The following GLIS3 variants were observed in gnomAD, a reference collection of about 807,000 sequenced individuals.
GLIS3 encodes the protein GLIS family zinc finger 3, also known as zinc finger protein GLIS3.
Under a neutral mutation model 78.6 loss-of-function variants are expected in GLIS3, and 53 were observed. The ratio of observed to expected loss-of-function variants is 0.67; its 90% CI spans 0.54 to 0.85. The LOEUF is 0.85. Ranked by LOEUF, GLIS3 falls within the 40% of genes least tolerant of loss-of-function variation. The probability of loss-of-function intolerance (pLI) is 0.00; values close to 1 mark genes in which losing one functional copy is unlikely to be tolerated. For synonymous variants in GLIS3, 684 were observed against 509.9 expected, an observed-to-expected ratio of 1.34 and a Z score of -4.60; for missense variants, 1,703 against 1,231.1, an observed-to-expected ratio of 1.38 and a Z score of -5.74.
intron 7 of GLIS3, among the ~76,000 whole-genome samples, chr9:3,889,862 G>C (rs974755779): frequency 1.3e-5 from 2 of 152,188 alleles, no homozygotes; most frequent in African/African-American, 4.8e-5. Flanking sequence ...GCCAGATTTG[G>C]CCTATGGGCC....
At chr9:4,345,066 A>G (rs887213590) in intron 2 of GLIS3, among the ~76,000 whole-genome samples, 3 of 152,190 alleles carry the variant, frequency 2.0e-5, no homozygotes, top group African/African-American at 7.2e-5. Flanking sequence ...TGATTCCTTT[A>G]AACTTAAATC....
intron 4 of GLIS3, among the ~76,000 whole-genome samples, chr9:4,112,884 G>A (rs987635032): frequency 2.0e-5 from 3 of 151,512 alleles, no homozygotes; most frequent in Non-Finnish European, 4.4e-5. Context: ...TCTCTCTCTG[G>A]AAAAAAAGAG....
intron 4 of GLIS3, among the ~76,000 whole-genome samples, chr9:3,953,258 G>A (rs1816821146): frequency 6.6e-6 from 1 of 152,158 alleles, no homozygotes; most frequent in Admixed American, 6.5e-5. Context: ...AGAATCTTTT[G>A]AGAATATTTG....
chr9:4,293,330 T>C (rs927831258), intron 1 of GLIS3, among the ~76,000 whole-genome samples: 1 of 152,190 alleles, frequency 6.6e-6, no homozygotes, highest in African/African-American at 2.4e-5. Flanking sequence ...CTGAGTGATA[T>C]TTTTCCTTCA....
chr9:4,113,061 T>G (rs1249527963), intron 4 of GLIS3, among the ~76,000 whole-genome samples: 2 of 152,078 alleles, frequency 1.3e-5, no homozygotes, highest in African/African-American at 4.8e-5. Flanking sequence ...ATTGCCCGGT[T>G]TGTGTTTAAA....
At chr9:4,470,671 G>A in the GLIS3 span, among the ~76,000 whole-genome samples, 1 of 151,892 alleles carries the variant, frequency 6.6e-6, no homozygotes, top group Non-Finnish European at 1.5e-5. Context: ...AAAACTGGAA[G>A]CATTCCCTTT....
At chr9:4,375,442 A>C in the GLIS3 span, among the ~76,000 whole-genome samples, 1 of 152,210 alleles carries the variant, frequency 6.6e-6, no homozygotes, top group Non-Finnish European at 1.5e-5. Flanking sequence ...CTGTTTTATA[A>C]TATAAATGTA....
intron 4 of GLIS3, chr9:4,054,191 A>C (rs1360295471): frequency 3.1e-6 from 1 of 318,972 alleles, no homozygotes; most frequent in Non-Finnish European, 4.5e-6. Context: ...GTGGCACAGC[A>C]GGAAGCCTGT....
intron 4 of GLIS3, among the ~76,000 whole-genome samples, chr9:4,111,728 G>T (rs1024416769): frequency 6.6e-6 from 1 of 152,184 alleles, no homozygotes; most frequent in African/African-American, 2.4e-5. Context: ...CGCTGGGAAA[G>T]AAATCTTAAG....
At chr9:4,055,613 A>T (rs1304149580) in intron 4 of GLIS3, among the ~76,000 whole-genome samples, 1 of 152,202 alleles carries the variant, frequency 6.6e-6, no homozygotes, top group Non-Finnish European at 1.5e-5. Flanking sequence ...TGTGAAGCAA[A>T]TATGTTGCTC....
the GLIS3 span, among the ~76,000 whole-genome samples, chr9:4,446,350 C>A: frequency 2.0e-5 from 3 of 152,116 alleles, no homozygotes; most frequent in Non-Finnish European, 2.9e-5. Context: ...GGAAGCTATG[C>A]CTTCACCAGA....
the GLIS3 span, among the ~76,000 whole-genome samples, chr9:4,399,907 G>A: frequency 6.6e-6 from 1 of 152,184 alleles, no homozygotes; most frequent in Non-Finnish European, 1.5e-5. Context: ...AATAGTGTGA[G>A]GGCCAGAGGT....
intron 2 of GLIS3, among the ~76,000 whole-genome samples, chr9:4,165,583 G>T (rs1007939761): frequency 6.6e-6 from 1 of 152,224 alleles, no homozygotes; most frequent in African/African-American, 2.4e-5. Context: ...GCTACACTCC[G>T]AGTTTCACTG....
chr9:4,178,010 CT>C (rs1183675756), intron 2 of GLIS3, among the ~76,000 whole-genome samples: 3 of 152,314 alleles, frequency 2.0e-5, no homozygotes, highest in Middle Eastern at 3.4e-3. Context: ...TTATCACTAC[CT>C]TTGGGGAAAT....
At chr9:4,307,846 C>G (rs2130514048) in intron 4 of GLIS3, among the ~76,000 whole-genome samples, 1 of 152,262 alleles carries the variant, frequency 6.6e-6, no homozygotes, top group Middle Eastern at 3.4e-3. Context: ...TCCAGAAAGG[C>G]ACACAGCCCT....
intron 4 of GLIS3, among the ~76,000 whole-genome samples, chr9:4,095,501 T>C (rs139348659): frequency 2.6e-5 from 4 of 152,320 alleles, no homozygotes; most frequent in African/African-American, 9.6e-5. Flanking sequence ...GTGGCTGCTA[T>C]GTTTTATAGA....
chr9:4,465,261 T>C, the GLIS3 span, among the ~76,000 whole-genome samples: 1 of 152,208 alleles, frequency 6.6e-6, no homozygotes, highest in Non-Finnish European at 1.5e-5. Context: ...TAAATAACGA[T>C]AATAGGCCGG....
chr9:4,397,257 C>T, the GLIS3 span, among the ~76,000 whole-genome samples: 1 of 147,932 alleles, frequency 6.8e-6, no homozygotes, highest in Non-Finnish European at 1.5e-5. Flanking sequence ...GATCTCCTGA[C>T]CTCGTGATCC....
At chr9:4,316,375 G>C (rs972143220) in intron 2 of GLIS3, among the ~76,000 whole-genome samples, 1 of 152,128 alleles carries the variant, frequency 6.6e-6, no homozygotes, top group African/African-American at 2.4e-5. Flanking sequence ...TGACTTTATT[G>C]CAAGTCAACA....
Sources: gnomAD v4.1 joint callset for allele counts (sites outside exome capture counted in the v4.1 genomes callset) on GRCh38, gnomAD v4.1.1 for gene constraint, MANE v1.5 for transcripts, NCBI Gene and HGNC (gene_info 2026-07-23, HGNC 2026-07-21) for gene names.